The following DOCK5 variants were observed in gnomAD, a reference collection of about 807,000 sequenced individuals.
The protein encoded by DOCK5 is dedicator of cytokinesis protein 5.
DOCK5 carries 142 observed loss-of-function variants against 251.8 expected under a neutral mutation model. The ratio of observed to expected loss-of-function variants is 0.56; its 90% CI spans 0.49 to 0.65. DOCK5 has a LOEUF of 0.65. Ranked by LOEUF, DOCK5 falls within the 30% of genes least tolerant of loss-of-function variation. The probability of loss-of-function intolerance (pLI) is 0.00; values close to 1 mark genes in which losing one functional copy is unlikely to be tolerated. For missense variants in DOCK5, 2,111 were observed against 2,312.3 expected (o/e 0.91, Z 1.79); for synonymous variants, 842 against 835.5 (o/e 1.01, Z -0.13).
chr8:25,211,560 A>G (rs138525490), intron 1 of DOCK5, among the ~76,000 whole-genome samples: 5,117 of 70,572 alleles, frequency 0.073, 1,660 homozygotes, highest in African/African-American at 0.15. Flanking sequence ...TAATCCCAAC[A>G]CTTTGGGAGG....
chr8:25,373,683 T>C (rs1466896447), intron 36 of DOCK5, 25 bp downstream of exon 36: 3 of 1,574,300 alleles, frequency 1.9e-6, no homozygotes, highest in Non-Finnish European at 2.6e-6. Flanking sequence ...ATTTCTTGCT[T>C]CTGCTGTTTA....
At position 25,221,271 on chromosome 8, in the gene DOCK5, A is replaced by G. The variant is rs143762387; in HGVS notation, c.44-22403A>G. Among the ~76,000 whole-genome samples, 287 of 152,312 alleles carry G rather than the reference A, an allele frequency of 1.9e-3. 1 individual carries two copies. Among genetic ancestry groups the G allele is most frequent in the Non-Finnish European group, 3.3e-3 (227 of 68,022 alleles). The stretch of plus-strand genomic sequence containing the variant: ...GAATTAAAATATTTAAAATACTTGA[A>G]GCTTTTTAAAAGCTTCAGCTACATT... On this transcript the variant is annotated intron_variant, in intron 1 of 51. Coordinates refer to ENST00000276440, the MANE Select transcript of DOCK5 (RefSeq NM_024940.8).
chr8:25,389,243 C>G lies in DOCK5; in HGVS notation c.4273+11C>G, dbSNP rs764239738. 3 of 1,611,414 alleles carry G rather than the reference C, an allele frequency of 1.9e-6. No individual in the cohort carries two copies. The highest frequency in any genetic ancestry group is 1.7e-6 in the Non-Finnish European group (2 of 1,178,000). Reference sequence around the variant, plus strand: ...CGTCCCCCAAGCAGTGTATCCTTTCCGGGGGGAGTATGGCCCCGAGGCTCT... The same window carrying G: ...CGTCCCCCAAGCAGTGTATCCTTTCGGGGGGGAGTATGGCCCCGAGGCTCT... On this transcript the variant is annotated intron_variant, in intron 41 of 51. Transcript: ENST00000276440.
Position 25,325,929 on chromosome 8 carries a change from A to G in DOCK5, c.1903+382A>G, listed in dbSNP as rs76370365. On this transcript the variant is annotated intron_variant, in intron 18 of 51. Transcript: ENST00000276440. The stretch of plus-strand genomic sequence containing the variant: ...AGGAGCTTGGCAAAGAAATATAATC[A>G]GTTTCCTGTCCAAACAGGTATGGCA... 7.6e-4 allele frequency among the ~76,000 whole-genome samples: 115 copies of G among 152,240 alleles called. 1 individual carries two copies. In the East Asian group the frequency reaches 0.018, roughly 24 times the overall value.
intron 1 of DOCK5, among the ~76,000 whole-genome samples, chr8:25,214,383 T>G (rs1232686899): frequency 6.6e-6 from 1 of 152,140 alleles, no homozygotes; most frequent in African/African-American, 2.4e-5. Flanking sequence ...GGTGTGTGTC[T>G]TGGGGTCAAG....
At chr8:25,388,477 C>T (rs914812634) in intron 40 of DOCK5, among the ~76,000 whole-genome samples, 1 of 152,136 alleles carries the variant, frequency 6.6e-6, no homozygotes, top group African/African-American at 2.4e-5. Context: ...ATTATATTTA[C>T]AGTCTAGAGT....
At chr8:25,197,340 T>C (rs1801755509) in intron 1 of DOCK5, among the ~76,000 whole-genome samples, 1 of 152,330 alleles carries the variant, frequency 6.6e-6, no homozygotes, top group African/African-American at 2.4e-5. Flanking sequence ...CAAACGATTG[T>C]CTGAATGCTG....
intron 26 of DOCK5, among the ~76,000 whole-genome samples, chr8:25,348,951 A>T (rs1800419646): frequency 6.6e-6 from 1 of 152,206 alleles, no homozygotes; most frequent in Non-Finnish European, 1.5e-5. Flanking sequence ...CACAGCGTGT[A>T]ACTTGCACAA....
intron 2 of DOCK5, among the ~76,000 whole-genome samples, chr8:25,248,464 C>T (rs1004135058): frequency 6.6e-6 from 1 of 152,228 alleles, no homozygotes; most frequent in South Asian, 2.1e-4. Flanking sequence ...TATTGTGGCC[C>T]TGGGATTCGT....
chr8:25,375,073 T>A (rs1226266142), intron 37 of DOCK5: 2 of 838,780 alleles, frequency 2.4e-6, no homozygotes, highest in Non-Finnish European at 1.5e-6. Flanking sequence ...TACATCTATA[T>A]GTTATGAATC....
At chr8:25,377,282 G>A (rs778531158) in intron 37 of DOCK5, 23 bp from the exon 38 acceptor site, 3 of 1,599,942 alleles carry the variant, frequency 1.9e-6, no homozygotes, top group Non-Finnish European at 2.6e-6. Flanking sequence ...TATTAACCGT[G>A]TGTCGCTTTT....
chr8:25,305,262 C>G (rs2117173494), intron 11 of DOCK5: 1 of 143,228 alleles, frequency 7.0e-6, no homozygotes, highest in African/African-American at 2.7e-5. Flanking sequence ...CAAATGATAT[C>G]ACAAATTAGT....
chr8:25,244,689 G>A (rs1230472999), intron 2 of DOCK5, among the ~76,000 whole-genome samples: 1 of 152,224 alleles, frequency 6.6e-6, no homozygotes, highest in Non-Finnish European at 1.5e-5. Context: ...GACACAGGAT[G>A]AGAAAGAAGA....
chr8:25,401,530 C>G (rs560970598), intron 47 of DOCK5, among the ~76,000 whole-genome samples: 5 of 152,196 alleles, frequency 3.3e-5, no homozygotes, highest in East Asian at 3.9e-4. Flanking sequence ...GTCAGGAGTT[C>G]GAGACCAGCC....
At chr8:25,354,105 A>G (rs920175617) in intron 27 of DOCK5, among the ~76,000 whole-genome samples, 1 of 149,492 alleles carries the variant, frequency 6.7e-6, no homozygotes, top group Non-Finnish European at 1.5e-5. Context: ...TATGTTTTAT[A>G]TGTTTAAAAG....
In DOCK5 at chr8:25,414,804, A is replaced by T. The variant is rs1801682598; in HGVS notation, c.*3506A>T. The T allele has an allele frequency of 1.3e-5, 2 of 151,992 alleles. No individual in the cohort carries two copies. The highest frequency in any genetic ancestry group is 4.2e-4 in the South Asian group (2 of 4,818). The allele number at this position is 151,992 out of a possible 1,614,324, so 9.4% of individuals were successfully genotyped here. On this transcript the variant is annotated 3_prime_UTR_variant, in exon 52 of 52. Coordinates refer to ENST00000276440, the MANE Select transcript of DOCK5 (RefSeq NM_024940.8). ...TGTGGCTTCCTTTCTCATACTTCTC[A>T]GGTATAATGAAAGGGGGAGAAAAAC...
intron 38 of DOCK5, among the ~76,000 whole-genome samples, chr8:25,378,338 C>T (rs992895278): frequency 1.3e-5 from 2 of 152,156 alleles, no homozygotes; most frequent in African/African-American, 4.8e-5. Flanking sequence ...AACTCAGGAC[C>T]AAGACCAGAT....
Position 25,410,083 on chromosome 8 carries a change from T to C in DOCK5, c.5405-16T>C. The C allele has an allele frequency of 6.2e-7, 1 of 1,608,034 alleles. No homozygotes were observed. The highest frequency in any genetic ancestry group is 8.5e-7 in the Non-Finnish European group (1 of 1,176,104). The stretch of plus-strand genomic sequence containing the variant: ...CAGTGCCTCTCTCTGCCGCCTGCAC[T>C]TTCTGTCATTTCTAGGCTCCCCATC... On this transcript the variant is annotated splice_polypyrimidine_tract_variant and intron_variant, in intron 50 of 51. Transcript: ENST00000276440.
At chr8:25,290,703 C>T (rs990520903) in intron 5 of DOCK5, among the ~76,000 whole-genome samples, 1 of 152,040 alleles carries the variant, frequency 6.6e-6, no homozygotes, top group Non-Finnish European at 1.5e-5. Flanking sequence ...CCTACTTATA[C>T]CAGCTATATT....
Sources: gnomAD v4.1 joint callset for allele counts (sites outside exome capture counted in the v4.1 genomes callset) on GRCh38, gnomAD v4.1.1 for gene constraint, MANE v1.5 for transcripts, NCBI Gene and HGNC (gene_info 2026-07-23, HGNC 2026-07-21) for gene names.